The following ART1 variants were observed in gnomAD, a reference collection of about 807,000 sequenced individuals.
ART1 encodes ADP-ribosyltransferase 1.
ART1 carries 29 observed loss-of-function variants against 27.0 expected under a neutral mutation model. That is an observed-to-expected ratio of 1.08 (90% CI 0.80 to 1.47). The LOEUF (loss-of-function observed/expected upper bound fraction) is 1.47, where lower values mean the gene tolerates loss of function less well. Ranked by LOEUF, ART1 falls within the 40% of genes most tolerant of loss-of-function variation. The pLI, the probability that ART1 is intolerant of heterozygous loss-of-function variation, is 0.00. For missense variants in ART1, 480 were observed against 423.0 expected, an observed-to-expected ratio of 1.13 and a Z score of -1.18; for synonymous variants, 201 against 172.2, an observed-to-expected ratio of 1.17 and a Z score of -1.31.
rs534590486 is a variant in ART1 at position 3,663,213 on chromosome 11, C to A, written c.887-879C>A. 1.4e-4 allele frequency among the ~76,000 whole-genome samples: 21 copies of A among 152,170 alleles called. No individual in the cohort carries two copies. In the East Asian group the frequency reaches 4.1e-3, roughly 29 times the overall value. On this transcript the variant is annotated intron_variant, in intron 4 of 4. Coordinates refer to ENST00000250693, the MANE Select transcript of ART1 (RefSeq NM_004314.3). ...AGGCAGAACAGGAGGCATTACCCCC[C>A]TTATATGGTCAAGTGAGACCCAGAG...
intron 1 of ART1, among the ~76,000 whole-genome samples, chr11:3,650,180 C>T (rs2077508417): frequency 6.6e-6 from 1 of 152,208 alleles, no homozygotes; most frequent in Non-Finnish European, 1.5e-5. Context: ...AGGGGTTCCT[C>T]CAGAACCTCC....
At chr11:3,645,832 C>A (rs543070619) in intron 1 of ART1, among the ~76,000 whole-genome samples, 7 of 152,132 alleles carry the variant, frequency 4.6e-5, no homozygotes, top group Non-Finnish European at 1.0e-4. Flanking sequence ...AGGTGGCCCT[C>A]GGGTTAAGCC....
At chr11:3,661,511 T>TTTTTTG (rs2077620482) in intron 4 of ART1, 98 bp downstream of exon 4, 2 of 929,492 alleles carry the variant, frequency 2.2e-6, no homozygotes, top group Non-Finnish European at 3.1e-6. Context: ...TTTTTTTTTT[T>TTTTTTG]GAGACAGAGT....
chr11:3,659,830 C>A lies in ART1; in HGVS notation c.311C>A (p.Ser104Tyr), dbSNP rs1474757437. ...TGGAGTCTCAGCCCCACCCGTCCAT[C>A]CCCGCCACCCCTGGGCTTCCGCGAT... ...PEWSLSPTRP[S>Y]PPPLGFRDEH... The change falls in exon 3 of 5, where the codon TCC becomes TAC. Residue 104 changes from serine (S) to tyrosine (Y), a missense_variant. By Grantham distance (144) the Ser-to-Tyr change is moderately radical. Coordinates refer to ENST00000250693, the MANE Select transcript of ART1 (RefSeq NM_004314.3). The A allele has an allele frequency of 3.1e-6, 5 of 1,612,064 alleles. No homozygotes were observed. The East Asian group carries it at 1.1e-4, about 36-fold the overall frequency.
intron 1 of ART1, among the ~76,000 whole-genome samples, chr11:3,656,036 G>A (rs1264107991): frequency 2.7e-5 from 4 of 150,310 alleles, no homozygotes; most frequent in African/African-American, 9.8e-5. Context: ...AGGTTCAAGA[G>A]ATTCTTCTGC....
chr11:3,649,017 G>A (rs977485758), intron 1 of ART1, among the ~76,000 whole-genome samples: 36 of 125,100 alleles, frequency 2.9e-4, no homozygotes, highest in Middle Eastern at 4.2e-3. Context: ...CCTTATTTCC[G>A]TGCCCCGACC....
intron 1 of ART1, among the ~76,000 whole-genome samples, chr11:3,646,608 C>T (rs1371472826): frequency 6.6e-6 from 1 of 152,182 alleles, no homozygotes; most frequent in Non-Finnish European, 1.5e-5. Flanking sequence ...GAGTGCGGCT[C>T]CACCTGACCT....
At chr11:3,656,288 A>T (rs946692672) in intron 1 of ART1, among the ~76,000 whole-genome samples, 1 of 152,136 alleles carries the variant, frequency 6.6e-6, no homozygotes, top group Non-Finnish European at 1.5e-5. Context: ...GTCTCAAGCA[A>T]TCCTCCTACC....
chr11:3,652,387 TA>T (rs1386508585), intron 1 of ART1, among the ~76,000 whole-genome samples: 1 of 149,058 alleles, frequency 6.7e-6, no homozygotes, highest in Non-Finnish European at 1.5e-5. Context: ...TTCAGGCTCT[TA>T]GTATTCAGTG....
intron 1 of ART1, among the ~76,000 whole-genome samples, chr11:3,648,234 G>C (rs578004855): frequency 1.3e-5 from 2 of 152,220 alleles, no homozygotes; most frequent in East Asian, 3.9e-4. Context: ...CAGTCCACCT[G>C]CACCCAGGTG....
At position 3,653,348 on chromosome 11, in the gene ART1, G is replaced by A. The variant is rs111607614; in HGVS notation, c.-52-5814G>A. On this transcript the variant is annotated intron_variant, in intron 1 of 4. Transcript: ENST00000250693. ...CACCACAAAAGAAGTGAAAATGGCC[G>A]GTTCCTGCCTTAACTGATGACATTG... Among the ~76,000 whole-genome samples, 6 of 139,628 alleles carry A rather than the reference G, an allele frequency of 4.3e-5. No individual in the cohort carries two copies. In the East Asian group the frequency reaches 6.1e-4, roughly 14 times the overall value. 91.6% of individuals were successfully genotyped at this position (139,628 alleles called of 152,430 possible).
intron 1 of ART1, among the ~76,000 whole-genome samples, chr11:3,653,337 T>G (rs1178154106): frequency 6.7e-6 from 1 of 148,308 alleles, no homozygotes; most frequent in Non-Finnish European, 1.5e-5. Context: ...ACAAAAGAAG[T>G]GAAAATGGCC....
At chr11:3,649,585 C>T (rs1255198194) in intron 1 of ART1, among the ~76,000 whole-genome samples, 4 of 152,196 alleles carry the variant, frequency 2.6e-5, no homozygotes, top group East Asian at 3.9e-4. Flanking sequence ...CCAGGCTGCT[C>T]CTCGCCAGGC....
Position 3,659,823 on chromosome 11 carries a change from C to G in ART1, c.304C>G (p.Arg102Gly), listed in dbSNP as rs964168047. ...GCCAGAGTGGAGTCTCAGCCCCACCCGTCCATCCCCGCCACCCCTGGGCTT... is the reference window on the plus strand; with the variant it reads ...GCCAGAGTGGAGTCTCAGCCCCACCGGTCCATCCCCGCCACCCCTGGGCTT... ...RWPEWSLSPTRPSPPPLGFRD... is the reference protein window; with the variant it reads ...RWPEWSLSPTGPSPPPLGFRD... The change falls in exon 3 of 5, where the codon CGT (arginine) becomes GGT (glycine). Residue 102 changes from arginine to glycine, a missense_variant. Physicochemically the swap from Arg to Gly is moderately radical, Grantham distance 125 (BLOSUM62 -2). Coordinates refer to ENST00000250693, the MANE Select transcript of ART1 (RefSeq NM_004314.3). 3 of 1,611,800 alleles carry G rather than the reference C, an allele frequency of 1.9e-6. No individual in the cohort carries two copies.
intron 4 of ART1, among the ~76,000 whole-genome samples, chr11:3,663,545 G>A (rs920691371): frequency 6.6e-6 from 1 of 151,984 alleles, no homozygotes; most frequent in Non-Finnish European, 1.5e-5. Context: ...AGAGAAACTG[G>A]GACTCTAATT....
rs749144608 is a variant in ART1, at chr11:3,660,055, G to A, written c.536G>A (p.Arg179Gln). The change falls in exon 3 of 5, where the codon CGA (arginine) becomes CAA (glutamine). Residue 179 changes from arginine to glutamine, a missense_variant. Arg to Gln is a conservative substitution (Grantham distance 43). Transcript: ENST00000250693. ...QRPPRCHQVF[R>Q]GVHGLRFRPA... ...CCACCCCGGTGCCACCAGGTGTTCC[G>A]AGGTGTGCACGGCCTGCGCTTCCGG... 9.9e-6 allele frequency: 16 copies of A among 1,613,658 alleles called. No homozygotes were observed. The highest frequency in any genetic ancestry group is 1.4e-5 in the Non-Finnish European group (16 of 1,179,948).
At position 3,660,170 on chromosome 11, in the gene ART1, C is replaced by T. The variant is rs141734720; in HGVS notation, c.651C>T (p.Thr217=). The change falls in exon 3 of 5, where the codon ACC becomes ACT. Residue 217 remains threonine (T), a synonymous_variant. Coordinates refer to ENST00000250693, the MANE Select transcript of ART1 (RefSeq NM_004314.3). ...HVAAQQFGED[T]FFGIWTCLGA... is the part of the protein sequence containing the mutation. ...CAGCCCAGCAGTTTGGTGAGGACACCTTCTTCGGCATCTGGACCTGCCTTG... is the reference window on the plus strand; with the variant it reads ...CAGCCCAGCAGTTTGGTGAGGACACTTTCTTCGGCATCTGGACCTGCCTTG... 4.4e-5 allele frequency: 71 copies of T among 1,613,954 alleles called. No individual in the cohort carries two copies. The African/African-American group carries it at 8.7e-4, about 20-fold the overall frequency.
At chr11:3,649,588 C>G (rs147310408) in intron 1 of ART1, among the ~76,000 whole-genome samples, 1 of 124,704 alleles carries the variant, frequency 8.0e-6, no homozygotes, top group Non-Finnish European at 1.8e-5. Context: ...GGCTGCTCCT[C>G]GCCAGGCTGA....
chr11:3,663,037 T>C (rs557034128), intron 4 of ART1, among the ~76,000 whole-genome samples: 1 of 98,808 alleles, frequency 1.0e-5, no homozygotes, highest in Non-Finnish European at 1.9e-5. Flanking sequence ...CATCTCATCA[T>C]CTCATCTCAT....
Sources: allele counts gnomAD v4.1 joint callset (sites outside exome capture counted in the v4.1 genomes callset), GRCh38; gene constraint gnomAD v4.1.1; transcripts MANE v1.5; gene names NCBI Gene and HGNC (gene_info 2026-07-23, HGNC 2026-07-21).